KLF12: variants seen among roughly 807,000 people sequenced by gnomAD.
The protein encoded by KLF12 is Krueppel-like factor 12.
Under a neutral mutation model 37.8 loss-of-function variants are expected in KLF12, and 9 were observed. The observed-to-expected ratio is 0.24, with a 90% CI of 0.14 to 0.42. The LOEUF (loss-of-function observed/expected upper bound fraction) is 0.42. Among genes scored for constraint, KLF12 ranks in the 10% least tolerant of loss-of-function variants. The pLI, the probability that KLF12 is intolerant of heterozygous loss-of-function variation, is 1.00. For synonymous variants in KLF12, 208 were observed against 202.1 expected (o/e 1.03, Z -0.25); for missense variants, 411 against 516.0 (o/e 0.80, Z 1.97).
chr13:73,940,161 TAGTA>T (rs1161371089), intron 3 of KLF12, among the ~76,000 whole-genome samples: 1 of 152,164 alleles, frequency 6.6e-6, no homozygotes, highest in Non-Finnish European at 1.5e-5. Context: ...GTCCTTTGCT[TAGTA>T]ACATGTTAGA....
chr13:73,830,161 T>C (rs1232915167), intron 4 of KLF12, among the ~76,000 whole-genome samples: 1 of 152,204 alleles, frequency 6.6e-6, no homozygotes, highest in African/African-American at 2.4e-5. Flanking sequence ...ATTATACCAA[T>C]GGGCACAATA....
chr13:74,000,843 G>C (rs963947459), intron 1 of KLF12, among the ~76,000 whole-genome samples: 16 of 152,126 alleles, frequency 1.1e-4, no homozygotes, highest in Admixed American at 8.5e-4. Flanking sequence ...AATGAATTAA[G>C]CATTTCTTTT....
chr13:73,977,140 TCCCAGGC>T (rs1236735671), intron 2 of KLF12, among the ~76,000 whole-genome samples: 5 of 151,754 alleles, frequency 3.3e-5, no homozygotes, highest in Non-Finnish European at 7.4e-5. Flanking sequence ...AATCTCCGCT[TCCCAGGC>T]TGAAGCACCT....
At chr13:74,121,317 C>T (rs1450967159) in intron 1 of KLF12, among the ~76,000 whole-genome samples, 3 of 151,926 alleles carry the variant, frequency 2.0e-5, no homozygotes, top group African/African-American at 7.2e-5. Context: ...AGAAATAGTA[C>T]CAATTCTACA....
intron 1 of KLF12, among the ~76,000 whole-genome samples, chr13:74,020,459 G>A (rs1762853841): frequency 6.6e-6 from 1 of 152,168 alleles, no homozygotes. Context: ...GATTTAGAAT[G>A]CACTCTAATT....
chr13:73,893,369 C>CTTTTTT (rs71115621), intron 3 of KLF12, among the ~76,000 whole-genome samples: 3 of 50,584 alleles, frequency 5.9e-5, no homozygotes, highest in Non-Finnish European at 1.0e-4. Context: ...ACAATATTGA[C>CTTTTTT]TTTTTTTTTT....
chr13:74,072,387 A>T (rs1388004805), intron 1 of KLF12, among the ~76,000 whole-genome samples: 1 of 130,874 alleles, frequency 7.6e-6, no homozygotes, highest in Non-Finnish European at 1.7e-5. Flanking sequence ...ATATATATAT[A>T]TATATATATA....
At chr13:73,722,392 AT>A (rs1257347224) in intron 6 of KLF12, among the ~76,000 whole-genome samples, 2 of 152,166 alleles carry the variant, frequency 1.3e-5, no homozygotes, top group African/African-American at 4.8e-5. Flanking sequence ...GAATCTTCAT[AT>A]TTATCTTCCA....
chr13:74,089,183 A>G (rs1405476132), intron 1 of KLF12, among the ~76,000 whole-genome samples: 1 of 152,208 alleles, frequency 6.6e-6, no homozygotes, highest in African/African-American at 2.4e-5. Context: ...AATGAGTCCT[A>G]TAAACACATG....
chr13:73,979,326 C>A (rs13378861), intron 2 of KLF12, among the ~76,000 whole-genome samples: 24,536 of 148,884 alleles, frequency 0.16, 2,379 homozygotes, highest in African/African-American at 0.25. Flanking sequence ...ATGAACCTAA[C>A]ATTTCTTTTA....
chr13:73,723,475 A>AT (rs1876426623), intron 6 of KLF12, among the ~76,000 whole-genome samples: 2 of 151,626 alleles, frequency 1.3e-5, no homozygotes, highest in Non-Finnish European at 2.9e-5. Context: ...GCCAGAAGTG[A>AT]TAGCTTGGTG....
the KLF12 span, among the ~76,000 whole-genome samples, chr13:74,191,821 C>T: frequency 6.6e-6 from 1 of 152,032 alleles, no homozygotes; most frequent in Admixed American, 6.6e-5. Flanking sequence ...TTTTATTTCT[C>T]TCTGTCTATA....
At chr13:74,036,294 T>G (rs79356647) in intron 1 of KLF12, among the ~76,000 whole-genome samples, 2,115 of 152,324 alleles carry the variant, frequency 0.014, 43 homozygotes, top group African/African-American at 0.045. Context: ...CTCTTAGTTC[T>G]TCAAAGAACG....
rs908858611 is a variant in KLF12, at chr13:73,969,521, T to C, written c.34-25451A>G. Among the ~76,000 whole-genome samples the C allele has an allele frequency of 3.3e-5, 5 of 152,230 alleles. No individual in the cohort carries two copies. In the South Asian group the frequency reaches 6.2e-4, roughly 19 times the overall value. ...TGGAAAGGATAAACTCCTTCTTTAG[T>C]GACAGAACTCCTTAACATCCTTCAA... is the stretch of plus-strand genomic sequence containing the variant. On this transcript the variant is annotated intron_variant, in intron 2 of 7. Transcript: ENST00000377669.
chr13:74,288,077 AG>A, the KLF12 span, among the ~76,000 whole-genome samples: 1 of 107,856 alleles, frequency 9.3e-6, no homozygotes, highest in East Asian at 3.3e-4. Context: ...GAAGGGGGGA[AG>A]GAAAAAAAAA....
chr13:74,086,447 CTCA>C (rs1312088706), intron 1 of KLF12, among the ~76,000 whole-genome samples: 1 of 152,026 alleles, frequency 6.6e-6, no homozygotes, highest in African/African-American at 2.4e-5. Flanking sequence ...AGGACATGAA[CTCA>C]TCATTTTTAT....
chr13:73,889,470 A>G (rs1025166259), intron 3 of KLF12, among the ~76,000 whole-genome samples: 12 of 152,282 alleles, frequency 7.9e-5, no homozygotes, highest in African/African-American at 2.9e-4. Flanking sequence ...ACATCAAGAA[A>G]TGGGAAATCT....
At chr13:73,974,211 A>C (rs1217676268) in intron 2 of KLF12, among the ~76,000 whole-genome samples, 1 of 152,082 alleles carries the variant, frequency 6.6e-6, no homozygotes, top group African/African-American at 2.4e-5. Flanking sequence ...AACTTTCCCT[A>C]ACACGAAGAA....
chr13:74,002,401 G>T (rs1396664802), intron 1 of KLF12, among the ~76,000 whole-genome samples: 1 of 152,060 alleles, frequency 6.6e-6, no homozygotes, highest in African/African-American at 2.4e-5. Flanking sequence ...TCGAGACAGG[G>T]TCTCACTCTG....
Sources: allele counts gnomAD v4.1 joint callset (sites outside exome capture counted in the v4.1 genomes callset), GRCh38; gene constraint gnomAD v4.1.1; transcripts MANE v1.5; gene names NCBI Gene and HGNC (gene_info 2026-07-23, HGNC 2026-07-21).